C12orf42: variants seen among roughly 807,000 people sequenced by gnomAD.
C12orf42 encodes chromosome 12 open reading frame 42, also known as uncharacterized protein C12orf42.
C12orf42 carries 25 observed loss-of-function variants against 21.6 expected under a neutral mutation model. The observed-to-expected ratio is 1.16, with a 90% CI of 0.84 to 1.62. The LOEUF (loss-of-function observed/expected upper bound fraction) is 1.62, where lower values mean the gene tolerates loss of function less well. Among genes scored for constraint, C12orf42 ranks in the 40% most tolerant of loss-of-function variants. C12orf42 has a pLI of 0.00. For missense variants in C12orf42, 483 were observed against 459.3 expected (o/e 1.05, Z -0.47); for synonymous variants, 174 against 175.0 (o/e 0.99, Z 0.05).
chr12:103,339,744 G>T (rs1258356617), intron 4 of C12orf42, among the ~76,000 whole-genome samples: 2 of 152,106 alleles, frequency 1.3e-5, no homozygotes, highest in African/African-American at 4.8e-5. Flanking sequence ...ACTGTTGGTG[G>T]GAGTGAAAAT....
intron 4 of C12orf42, among the ~76,000 whole-genome samples, chr12:103,310,992 A>G (rs1234966286): frequency 6.6e-6 from 1 of 152,300 alleles, no homozygotes; most frequent in East Asian, 1.9e-4. Context: ...TACTTTATAC[A>G]CTTTCGCATT....
rs139991120 is a variant in C12orf42, at chr12:103,370,065, C to G, written c.148-1067G>C. On this transcript the variant is annotated intron_variant, in intron 3 of 5. Coordinates refer to ENST00000548883, the MANE Select transcript of C12orf42 (RefSeq NM_198521.5). ...ACAAACAACACCATTACAAAGTGGA[C>G]AAAGGACCTGAACAGAAACTTTTCA... is the stretch of plus-strand genomic sequence containing the variant. Among the ~76,000 whole-genome samples the G allele has an allele frequency of 3.9e-3, 593 of 152,150 alleles. 2 individuals are homozygous for G. Among genetic ancestry groups the G allele is most frequent in the African/African-American group, 0.012 (500 of 41,516 alleles).
intron 4 of C12orf42, among the ~76,000 whole-genome samples, chr12:103,357,589 A>G (rs994777945): frequency 5.9e-5 from 9 of 152,100 alleles, no homozygotes; most frequent in African/African-American, 1.7e-4. Context: ...TGGGCCTGGC[A>G]TCTGACATCA....
At chr12:103,283,197 T>C (rs2036237423) in intron 4 of C12orf42, among the ~76,000 whole-genome samples, 2 of 152,248 alleles carry the variant, frequency 1.3e-5, no homozygotes, top group South Asian at 4.1e-4. Context: ...CCTTTGCATG[T>C]CATCAGTATA....
At chr12:103,358,359 T>A (rs1289477158) in intron 4 of C12orf42, among the ~76,000 whole-genome samples, 2 of 151,950 alleles carry the variant, frequency 1.3e-5, no homozygotes, top group Non-Finnish European at 2.9e-5. Flanking sequence ...AATAGAGAGA[T>A]CCCAGGGATA....
At chr12:103,158,777 G>T in the C12orf42 span, among the ~76,000 whole-genome samples, 1 of 151,856 alleles carries the variant, frequency 6.6e-6, no homozygotes, top group Non-Finnish European at 1.5e-5. Flanking sequence ...CTACTTGGGA[G>T]GCTGAGGCAG....
At chr12:103,499,180 G>T (rs1955654349), upstream of C12orf42, among the ~76,000 whole-genome samples, 1 of 152,084 alleles carries the variant, frequency 6.6e-6, no homozygotes, top group Admixed American at 6.6e-5. Context: ...AAGTTCTGGT[G>T]ATCTAATATA....
chr12:103,222,540 A>G, the C12orf42 span, among the ~76,000 whole-genome samples: 4 of 152,198 alleles, frequency 2.6e-5, no homozygotes, highest in Admixed American at 6.5e-5. Flanking sequence ...GGGATGCGAT[A>G]GCTTGGCTTG....
the C12orf42 span, among the ~76,000 whole-genome samples, chr12:103,523,583 G>GTA: frequency 1.3e-5 from 2 of 150,280 alleles, no homozygotes; most frequent in Non-Finnish European, 3.0e-5. Context: ...CATGTATACA[G>GTA]TATATATATA....
At chr12:103,478,180 T>C in intron 2 of C12orf42, 169 bp downstream of exon 2, 1 of 532,416 alleles carries the variant, frequency 1.9e-6, no homozygotes, top group African/African-American at 2.0e-5. Context: ...GCATTTAAAA[T>C]TATGCTATAA....
At chr12:103,292,578 A>T (rs2036892734) in intron 4 of C12orf42, among the ~76,000 whole-genome samples, 1 of 152,106 alleles carries the variant, frequency 6.6e-6, no homozygotes, top group Non-Finnish European at 1.5e-5. Context: ...CAACACTATC[A>T]GTATTACTTA....
At chr12:103,381,164 C>A (rs1300585723) in intron 3 of C12orf42, among the ~76,000 whole-genome samples, 1 of 152,208 alleles carries the variant, frequency 6.6e-6, no homozygotes, top group Non-Finnish European at 1.5e-5. Context: ...CAGGCACTAA[C>A]AACTCCCCAA....
the C12orf42 span, among the ~76,000 whole-genome samples, chr12:103,198,926 C>T: frequency 6.6e-6 from 1 of 152,194 alleles, no homozygotes; most frequent in Non-Finnish European, 1.5e-5. Flanking sequence ...CTGGCTGCTT[C>T]TAGTCAGCCA....
chr12:103,144,074 T>G, the C12orf42 span, among the ~76,000 whole-genome samples: 1 of 152,200 alleles, frequency 6.6e-6, no homozygotes, highest in Non-Finnish European at 1.5e-5. Flanking sequence ...CCTATGTTTA[T>G]CATTATTATT....
At chr12:103,270,126 T>C (rs2035372986) in intron 5 of C12orf42, 2 of 152,128 alleles carry the variant, frequency 1.3e-5, no homozygotes, top group South Asian at 4.1e-4. Context: ...TATGATCAAA[T>C]AGCATTGGCA....
At chr12:103,162,318 G>A in the C12orf42 span, among the ~76,000 whole-genome samples, 2 of 152,292 alleles carry the variant, frequency 1.3e-5, no homozygotes, top group South Asian at 4.1e-4. Context: ...CTTGAGCTCA[G>A]TACCCACTGG....
downstream of C12orf42, among the ~76,000 whole-genome samples, chr12:103,265,294 G>C (rs73385655): frequency 0.077 from 11,705 of 152,104 alleles, 1,193 homozygotes; most frequent in African/African-American, 0.24. Context: ...TGCAGTTCTT[G>C]GTTTCTTTCA....
intron 2 of C12orf42, among the ~76,000 whole-genome samples, chr12:103,408,828 C>T (rs899887692): frequency 6.6e-6 from 1 of 152,146 alleles, no homozygotes; most frequent in Non-Finnish European, 1.5e-5. Flanking sequence ...CACAAAAGTG[C>T]ATCTGCTGGT....
chr12:103,408,390 G>A (rs892561924), intron 2 of C12orf42, among the ~76,000 whole-genome samples: 2 of 152,196 alleles, frequency 1.3e-5, no homozygotes, highest in Non-Finnish European at 2.9e-5. Flanking sequence ...GGAAGAGGGT[G>A]TGGAGGTGAG....
Sources: allele counts gnomAD v4.1 joint callset (sites outside exome capture counted in the v4.1 genomes callset), GRCh38; gene constraint gnomAD v4.1.1; transcripts MANE v1.5; gene names NCBI Gene and HGNC (gene_info 2026-07-23, HGNC 2026-07-21).